EXPH5: variants seen among roughly 807,000 people sequenced by gnomAD.
EXPH5 encodes exophilin 5.
A neutral mutation model predicts 41.1 loss-of-function variants in EXPH5; 42 were observed. The ratio of observed to expected loss-of-function variants is 1.02; its 90% confidence interval spans 0.80 to 1.32. The LOEUF (loss-of-function observed/expected upper bound fraction) is 1.32. EXPH5 is among the 40% of genes most tolerant of loss of function. The pLI, the probability that EXPH5 is intolerant of heterozygous loss-of-function variation, is 0.00. For synonymous variants in EXPH5, 798 were observed against 833.5 expected, an observed-to-expected ratio of 0.96 and a Z score of 0.73; for missense variants, 2,298 against 2,314.5, an observed-to-expected ratio of 0.99 and a Z score of 0.15.
At chr11:108,564,921 T>TA (rs398017517) in intron 1 of EXPH5, among the ~76,000 whole-genome samples, 1 of 150,366 alleles carries the variant, frequency 6.7e-6, no homozygotes, top group Non-Finnish European at 1.5e-5. Context: ...TTTTTTTTTT[T>TA]AAGATGGAGT....
the EXPH5 span, among the ~76,000 whole-genome samples, chr11:108,603,310 T>A: frequency 2.0e-5 from 3 of 152,240 alleles, no homozygotes; most frequent in East Asian, 5.8e-4. Flanking sequence ...ACACTGTAAA[T>A]GTACTAAATG....
rs774817112 is a variant in EXPH5 at position 108,541,767 on chromosome 11, C to T, written c.165G>A (p.Val55=). The T allele has an allele frequency of 3.7e-6, 6 of 1,612,846 alleles. No individual in the cohort carries two copies. In the Admixed American group the frequency reaches 1.0e-4, roughly 27 times the overall value. Residue 55 remains valine (V), a synonymous_variant, in exon 2 of 6, where the codon GTG becomes GTA. Coordinates refer to ENST00000265843, the MANE Select transcript of EXPH5 (RefSeq NM_015065.3). ...GAATTTCTTCAAACCATTCACCAGT[C>T]ACTCCCTGAAGCCATCTGATATCCC... ...TKRDIRWLQG[V]TGEWFEEIQR... is the part of the protein sequence containing the mutation.
At chr11:108,602,422 C>T in the EXPH5 span, among the ~76,000 whole-genome samples, 5 of 152,146 alleles carry the variant, frequency 3.3e-5, no homozygotes, top group Admixed American at 2.6e-4. Context: ...CTACACCTCT[C>T]TTTTTGAGGG....
chr11:108,534,479 G>C (rs138217469), intron 3 of EXPH5, among the ~76,000 whole-genome samples: 1 of 152,144 alleles, frequency 6.6e-6, no homozygotes, highest in Non-Finnish European at 1.5e-5. Flanking sequence ...CTTGTACTGG[G>C]TCATTGAACC....
intron 2 of EXPH5, among the ~76,000 whole-genome samples, chr11:108,541,076 T>C (rs1384012857): frequency 6.6e-6 from 1 of 152,004 alleles, no homozygotes; most frequent in African/African-American, 2.4e-5. Context: ...AGCTAATCTT[T>C]TATTTTTCTG....
chr11:108,548,954 A>C (rs905903048), intron 1 of EXPH5, among the ~76,000 whole-genome samples: 1 of 152,212 alleles, frequency 6.6e-6, no homozygotes, highest in East Asian at 1.9e-4. Flanking sequence ...AGTTTGACAA[A>C]GATAACATTT....
intron 3 of EXPH5, among the ~76,000 whole-genome samples, chr11:108,535,793 G>A (rs2093875828): frequency 6.6e-6 from 1 of 152,148 alleles, no homozygotes; most frequent in South Asian, 2.1e-4. Flanking sequence ...CATCTGAAGG[G>A]CAACGCATAT....
intron 2 of EXPH5, among the ~76,000 whole-genome samples, chr11:108,540,907 A>ATT (rs112640072): frequency 4.0e-5 from 6 of 148,552 alleles, no homozygotes; most frequent in South Asian, 2.1e-4. Flanking sequence ...ATATTCTATT[A>ATT]TTTTTTTTTT....
intron 1 of EXPH5, among the ~76,000 whole-genome samples, chr11:108,569,502 G>C (rs1222832301): frequency 6.6e-6 from 1 of 152,018 alleles, no homozygotes; most frequent in African/African-American, 2.4e-5. Flanking sequence ...ACCATGCCTG[G>C]CTAATTTTTG....
At chr11:108,598,084 T>C (rs2094141187), upstream of EXPH5, among the ~76,000 whole-genome samples, 1 of 151,958 alleles carries the variant, frequency 6.6e-6, no homozygotes, top group African/African-American at 2.4e-5. Flanking sequence ...GGGTGGAGAA[T>C]GGGAGGGATG....
intron 3 of EXPH5, among the ~76,000 whole-genome samples, chr11:108,528,941 G>C (rs1405949250): frequency 6.6e-6 from 1 of 151,780 alleles, no homozygotes; most frequent in Non-Finnish European, 1.5e-5. Flanking sequence ...GACCTCAGGT[G>C]ATCTGCCTGC....
chr11:108,593,864 T>A, upstream of EXPH5: 1 of 833,986 alleles, frequency 1.2e-6, no homozygotes, highest in Non-Finnish European at 1.8e-6. Flanking sequence ...GTCCCGTCCC[T>A]CGTCCCCTCC....
In EXPH5 at chr11:108,512,176, T is replaced by C. The variant is rs147949254; in HGVS notation, c.3331A>G (p.Arg1111Gly). ...NVKSSGSTSV[R>G]KGPLPFLINR... ...ATGAGGAATGGAAGTGGTCCTTTTCTAACGGAAGTAGATCCACTGCTTTTT... is the reference window on the plus strand; with the variant it reads ...ATGAGGAATGGAAGTGGTCCTTTTCCAACGGAAGTAGATCCACTGCTTTTT... The change falls in exon 6 of 6, where the codon AGA becomes GGA. Residue 1111 changes from arginine to glycine, a missense_variant. By Grantham distance (125) the Arg-to-Gly change is moderately radical. Transcript: ENST00000265843. 3 of 1,611,552 alleles carry C rather than the reference T, an allele frequency of 1.9e-6. No individual in the cohort carries two copies. The highest frequency in any genetic ancestry group is 1.3e-5 in the African/African-American group (1 of 74,738).
rs1456627760 is a variant in EXPH5, at chr11:108,573,198, A to AAGAAAGAAAGAAAGAG, written c.119+20219_119+20220insCTCTTTCTTTCTTTCT. Among the ~76,000 whole-genome samples the AAGAAAGAAAGAAAGAG allele has an allele frequency of 1.0e-3, 113 of 108,276 alleles. 1 individual carries two copies. Among genetic ancestry groups the AAGAAAGAAAGAAAGAG allele is most frequent in the East Asian group, 3.6e-3 (13 of 3,608 alleles). The allele number at this position is 108,276 out of a possible 152,430, so 71.0% of individuals were successfully genotyped here. A position where few individuals can be genotyped will look rare whatever the true frequency, so the allele number is the denominator to read the frequency against. On this transcript the variant is annotated intron_variant, in intron 1 of 5. Transcript: ENST00000265843. ...AAAGAAAGAAAGAAAGAAAGAAAGA[A>AAGAAAGAAAGAAAGAG]AAAGAAAGAAAGAAAGAAAGAAAGG... is the stretch of plus-strand genomic sequence containing the variant.
Position 108,593,640 on chromosome 11 carries a change from C to T in EXPH5, c.-104G>A. ...CAGTTTCACGAACTTGATCCCACAG[C>T]CAATAATAAGTCCGCCCCTTTGAAA... is the stretch of plus-strand genomic sequence containing the variant. On this transcript the variant is annotated 5_prime_UTR_variant, in exon 1 of 6. Coordinates refer to ENST00000265843, the MANE Select transcript of EXPH5 (RefSeq NM_015065.3). 3.8e-6 allele frequency: 6 copies of T among 1,596,614 alleles called. No individual in the cohort carries two copies. The South Asian group carries it at 4.5e-5, about 12-fold the overall frequency.
chr11:108,550,958 A>T (rs2093961602), intron 1 of EXPH5, among the ~76,000 whole-genome samples: 1 of 152,156 alleles, frequency 6.6e-6, no homozygotes, highest in African/African-American at 2.4e-5. Flanking sequence ...GGGAAATCTT[A>T]TAAAGCCGAA....
At chr11:108,568,049 C>T (rs1481536034) in intron 1 of EXPH5, 2 of 151,986 alleles carry the variant, frequency 1.3e-5, no homozygotes, top group African/African-American at 4.8e-5. Context: ...AGGGGGTTTC[C>T]GACTCGCTGA....
Position 108,510,661 on chromosome 11 carries a change from C to T in EXPH5, c.4846G>A (p.Val1616Ile). ...PAKDVSPRRH[V>I]ATIFPQSGSR... is the part of the protein sequence containing the mutation. The stretch of plus-strand genomic sequence containing the variant: ...CCACTTTGGGGGAAGATAGTAGCTA[C>T]ATGTCTTCTGGGGCTTACATCTTTA... The change falls in exon 6 of 6, where the codon GTA (valine) becomes ATA (isoleucine). Residue 1616 changes from valine (V) to isoleucine (I), a missense_variant. Val to Ile is a conservative substitution (Grantham distance 29). Transcript: ENST00000265843. 3.7e-6 allele frequency: 6 copies of T among 1,614,178 alleles called. No individual in the cohort carries two copies. The highest frequency in any genetic ancestry group is 5.1e-6 in the Non-Finnish European group (6 of 1,180,030).
At position 108,588,767 on chromosome 11, in the gene EXPH5, A is replaced by C. The variant is rs536649185; in HGVS notation, c.119+4651T>G. On this transcript the variant is annotated intron_variant, in intron 1 of 5. Transcript: ENST00000265843. ...AAATATGAAAGACTTTATAAGCTAA[A>C]AGAGTTATAATATCACTAAGCTTAA... 7.9e-5 allele frequency among the ~76,000 whole-genome samples: 12 copies of C among 152,328 alleles called. No individual in the cohort carries two copies. The South Asian group carries it at 2.5e-3, about 32-fold the overall frequency.
Sources: allele counts gnomAD v4.1 joint callset (sites outside exome capture counted in the v4.1 genomes callset), GRCh38; gene constraint gnomAD v4.1.1; transcripts MANE v1.5; gene names NCBI Gene and HGNC (gene_info 2026-07-23, HGNC 2026-07-21).